The following ATP8B4 variants were observed in gnomAD, a reference collection of about 807,000 sequenced individuals.
The protein encoded by ATP8B4 is probable phospholipid-transporting ATPase IM.
ATP8B4 carries 133 observed loss-of-function variants against 145.6 expected under a neutral mutation model. The observed-to-expected ratio is 0.91, with a 90% confidence interval of 0.79 to 1.05. The LOEUF (loss-of-function observed/expected upper bound fraction) is 1.05. Ranked by LOEUF, ATP8B4 falls within the 50% of genes least tolerant of loss-of-function variation. The pLI is 0.00. For synonymous variants in ATP8B4, 507 were observed against 492.9 expected, an observed-to-expected ratio of 1.03 and a Z score of -0.38; for missense variants, 1,458 against 1,425.2, an observed-to-expected ratio of 1.02 and a Z score of -0.37.
At chr15:49,958,699 C>T (rs939577852) in intron 14 of ATP8B4, among the ~76,000 whole-genome samples, 1 of 151,718 alleles carries the variant, frequency 6.6e-6, no homozygotes, top group Non-Finnish European at 1.5e-5. Context: ...CTTATGAGAG[C>T]TTGCAAATAA....
intron 6 of ATP8B4, among the ~76,000 whole-genome samples, chr15:50,016,377 A>G (rs191006602): frequency 2.6e-5 from 4 of 152,334 alleles, no homozygotes. Context: ...AAGCTAGAGG[A>G]ACTATCTTAG....
At chr15:49,900,070 A>T (rs1406749134) in intron 21 of ATP8B4, among the ~76,000 whole-genome samples, 2 of 152,182 alleles carry the variant, frequency 1.3e-5, no homozygotes, top group African/African-American at 4.8e-5. Context: ...CTTGGGGGCC[A>T]CCAGCTTTAA....
intron 2 of ATP8B4, among the ~76,000 whole-genome samples, chr15:50,086,069 TAATA>T (rs1343423729): frequency 8.2e-5 from 9 of 110,346 alleles, no homozygotes; most frequent in Non-Finnish European, 9.9e-5. Context: ...ATATTATATA[TAATA>T]AATATAGAAC....
chr15:50,087,341 T>TAG (rs1310936389), intron 2 of ATP8B4, among the ~76,000 whole-genome samples: 1 of 30,266 alleles, frequency 3.3e-5, no homozygotes, highest in African/African-American at 4.0e-4. Context: ...TTATATATAA[T>TAG]ATAGATCTAT....
At chr15:49,863,901 G>A (rs1168964461) in intron 26 of ATP8B4, among the ~76,000 whole-genome samples, 4 of 152,050 alleles carry the variant, frequency 2.6e-5, no homozygotes, top group African/African-American at 9.7e-5. Flanking sequence ...GAAATGGCTT[G>A]TGCTTAGCTG....
chr15:49,898,189 A>G lies in ATP8B4; in HGVS notation c.2352T>C (p.Thr784=). 6.2e-7 allele frequency: 1 copy of G among 1,613,894 alleles called. No homozygotes were observed. The highest frequency in any genetic ancestry group is 1.1e-5 in the South Asian group (1 of 91,072). ...DLLELACMCK[T]VICCRVTPLQ... The stretch of plus-strand genomic sequence containing the variant: ...GTGGAGTGACCCTGCAGCAAATTAC[A>G]GTCTTACACATGCAAGCAAGTTCTA... The change falls in exon 22 of 28, where the codon ACT becomes ACC. Residue 784 remains threonine (T), a synonymous_variant. Transcript: ENST00000284509.
intron 23 of ATP8B4, among the ~76,000 whole-genome samples, chr15:49,884,693 T>A (rs1379196900): frequency 6.6e-6 from 1 of 152,020 alleles, no homozygotes; most frequent in East Asian, 1.9e-4. Flanking sequence ...CATACACAAT[T>A]TTATATGCTA....
chr15:49,866,237 G>T, intron 26 of ATP8B4, 109 bp downstream of exon 26: 1 of 1,426,090 alleles, frequency 7.0e-7, no homozygotes. Context: ...ACAATTTCTG[G>T]ACAAAGGATC....
chr15:50,005,259 G>A (rs1158162517), intron 7 of ATP8B4, among the ~76,000 whole-genome samples: 3 of 152,140 alleles, frequency 2.0e-5, no homozygotes, highest in Admixed American at 2.0e-4. Context: ...ATTCCCATCA[G>A]AAGGAATCTG....
At chr15:50,083,645 G>C (rs1208901614) in intron 2 of ATP8B4, among the ~76,000 whole-genome samples, 3 of 152,152 alleles carry the variant, frequency 2.0e-5, no homozygotes, top group Non-Finnish European at 4.4e-5. Context: ...GCACTTCTCT[G>C]CTTGATACCT....
chr15:50,173,358 A>C (rs12902555), intron 1 of ATP8B4, among the ~76,000 whole-genome samples: 120,329 of 151,670 alleles, frequency 0.79, 48,151 homozygotes, highest in East Asian at 0.95. Context: ...AAGAAAAATT[A>C]TTCTGCCTTG....
chr15:50,095,436 T>A (rs1351223328), intron 2 of ATP8B4, among the ~76,000 whole-genome samples: 1 of 152,194 alleles, frequency 6.6e-6, no homozygotes, highest in Non-Finnish European at 1.5e-5. Flanking sequence ...GAAATTCTGT[T>A]AACATACGGT....
intron 3 of ATP8B4, among the ~76,000 whole-genome samples, chr15:50,049,930 T>C (rs2052046221): frequency 6.6e-6 from 1 of 152,202 alleles, no homozygotes; most frequent in African/African-American, 2.4e-5. Flanking sequence ...CATTTTTTCA[T>C]ATATTTGTTG....
In ATP8B4 at chr15:50,106,976, T is replaced by C. The variant is rs1414209456; in HGVS notation, c.-10A>G. ...TTTCACTGCAGAACATTATTATACC[T>C]GATCTTTCACCAGGTCTCAACAGGT... is the stretch of plus-strand genomic sequence containing the variant. On this transcript the variant is annotated 5_prime_UTR_variant, in exon 2 of 28. Transcript: ENST00000284509. 1.9e-6 allele frequency: 3 copies of C among 1,587,396 alleles called. No homozygotes were observed. Among genetic ancestry groups the C allele is most frequent in the African/African-American group, 2.7e-5 (2 of 73,754 alleles).
intron 1 of ATP8B4, among the ~76,000 whole-genome samples, chr15:50,148,536 C>T (rs898555906): frequency 1.3e-5 from 2 of 152,186 alleles, no homozygotes; most frequent in Non-Finnish European, 2.9e-5. Flanking sequence ...GCATTCCTTG[C>T]CATTCCACCT....
intron 16 of ATP8B4, among the ~76,000 whole-genome samples, chr15:49,927,352 A>T (rs2040819455): frequency 6.6e-6 from 1 of 152,074 alleles, no homozygotes; most frequent in Non-Finnish European, 1.5e-5. Flanking sequence ...GATCAGCAGC[A>T]ACAGAAGCAA....
rs1178823709 is a variant in ATP8B4 at position 49,916,969 on chromosome 15, T to G, written c.2106A>C (p.Ala702=). The change falls in exon 20 of 28, where the codon GCA becomes GCC. Residue 702 remains alanine, a synonymous_variant. Transcript: ENST00000284509. ...TDDMNDVFVI[A]GNNAVEVREE... Reference sequence around the variant, plus strand: ...CTCTCACTTCCACAGCATTATTCCCTGCTATCACAAACACATCATTCATGT... The same window carrying G: ...CTCTCACTTCCACAGCATTATTCCCGGCTATCACAAACACATCATTCATGT... 3 of 1,613,870 alleles carry G rather than the reference T, an allele frequency of 1.9e-6. No homozygotes were observed. The highest frequency in any genetic ancestry group is 2.5e-6 in the Non-Finnish European group (3 of 1,179,910).
At chr15:49,936,744 T>C (rs2041767624) in intron 14 of ATP8B4, among the ~76,000 whole-genome samples, 1 of 152,056 alleles carries the variant, frequency 6.6e-6, no homozygotes, top group African/African-American at 2.4e-5. Flanking sequence ...GTTTGTTTGT[T>C]TGTTTTTCCA....
At chr15:50,079,319 G>A (rs1274621146) in intron 2 of ATP8B4, among the ~76,000 whole-genome samples, 2 of 152,082 alleles carry the variant, frequency 1.3e-5, no homozygotes, top group African/African-American at 4.8e-5. Flanking sequence ...AGACACAGAA[G>A]GAAGAATGAT....
Sources: gnomAD v4.1 joint callset for allele counts (sites outside exome capture counted in the v4.1 genomes callset) on GRCh38, gnomAD v4.1.1 for gene constraint, MANE v1.5 for transcripts, NCBI Gene and HGNC (gene_info 2026-07-23, HGNC 2026-07-21) for gene names.